DAB1: variants seen among roughly 807,000 people sequenced by gnomAD.
DAB1 encodes the protein DAB adaptor protein 1.
Under a neutral mutation model 64.6 loss-of-function variants are expected in DAB1, and 15 were observed. The ratio of observed to expected loss-of-function variants is 0.23; its 90% CI spans 0.16 to 0.36. DAB1 has a LOEUF of 0.36. DAB1 is among the 10% of genes least tolerant of loss of function. The pLI, the probability that DAB1 is intolerant of heterozygous loss-of-function variation, is 1.00. For missense variants in DAB1, 596 were observed against 706.7 expected, an observed-to-expected ratio of 0.84 and a Z score of 1.78; for synonymous variants, 235 against 251.9, an observed-to-expected ratio of 0.93 and a Z score of 0.64.
intron 7 of DAB1, among the ~76,000 whole-genome samples, chr1:57,644,164 A>G (rs1224586950): frequency 1.3e-5 from 2 of 152,162 alleles, no homozygotes; most frequent in Non-Finnish European, 2.9e-5. Flanking sequence ...TCTCTAGCAT[A>G]GTACTACTTA....
intron 5 of DAB1, among the ~76,000 whole-genome samples, chr1:57,989,152 A>G (rs1646289782): frequency 6.6e-6 from 1 of 152,120 alleles, no homozygotes; most frequent in African/African-American, 2.4e-5. Context: ...CTGGATACCA[A>G]ATGGGGATAA....
chr1:57,043,785 T>C (rs959640823), intron 9 of DAB1, among the ~76,000 whole-genome samples: 15 of 151,786 alleles, frequency 9.9e-5, no homozygotes, highest in South Asian at 4.2e-4. Context: ...AGATGGAGGT[T>C]ACAGTGAGCC....
In DAB1 at chr1:57,127,881, T is replaced by A. The variant is rs563173126; in HGVS notation, c.306+8662A>T. Among the ~76,000 whole-genome samples the A allele has an allele frequency of 2.6e-5, 4 of 152,220 alleles. No homozygotes were observed. The South Asian group carries it at 8.3e-4, about 32-fold the overall frequency. ...TACAACTCCTGTCCGGGCGTGGTAGTTCACACCTGTAATCCCAGCACTTTG... is the reference window on the plus strand; with the variant it reads ...TACAACTCCTGTCCGGGCGTGGTAGATCACACCTGTAATCCCAGCACTTTG... On this transcript the variant is annotated intron_variant, in intron 4 of 14. Coordinates refer to ENST00000371236, the MANE Select transcript of DAB1 (RefSeq NM_001365792.1).
chr1:57,831,567 G>T lies in DAB1; in HGVS notation n.88-5112C>A, dbSNP rs1248683445. Reference sequence around the variant, plus strand: ...TTTTTTTTTTTTTTTTTTGAGAAAGGGTCTTACCCTGCTACCCAGGCTGGA... The same window carrying T: ...TTTTTTTTTTTTTTTTTTGAGAAAGTGTCTTACCCTGCTACCCAGGCTGGA... On this transcript the variant is annotated intron_variant and non_coding_transcript_variant, in intron 1 of 1. Coordinates refer to the DAB1 transcript ENST00000477280. Among the ~76,000 whole-genome samples the T allele has an allele frequency of 1.3e-4, 19 of 141,822 alleles. No homozygotes were observed. The East Asian group carries it at 3.8e-3, about 28-fold the overall frequency. 93.0% of individuals were successfully genotyped at this position (141,822 alleles called of 152,430 possible). A position where few individuals can be genotyped will look rare whatever the true frequency, so the allele number is the denominator to read the frequency against.
At chr1:57,614,648 C>T (rs1343847553) in intron 7 of DAB1, among the ~76,000 whole-genome samples, 3 of 152,060 alleles carry the variant, frequency 2.0e-5, no homozygotes, top group Non-Finnish European at 4.4e-5. Context: ...TAGGTTTAAG[C>T]TGTTTTTCAC....
At chr1:57,271,686 G>A (rs1671013907) in intron 2 of DAB1, among the ~76,000 whole-genome samples, 1 of 152,200 alleles carries the variant, frequency 6.6e-6, no homozygotes, top group Non-Finnish European at 1.5e-5. Flanking sequence ...TAGCCCCGCG[G>A]AGGGCCTGAT....
chr1:58,300,617 A>AAAGAAG (rs1318663539), intron 4 of DAB1, among the ~76,000 whole-genome samples: 1 of 36,584 alleles, frequency 2.7e-5, no homozygotes, highest in African/African-American at 9.0e-5. Flanking sequence ...AGAAAGAGAG[A>AAAGAAG]GAGAGAGAGA....
In DAB1 at chr1:58,217,002, C is replaced by T. The variant is rs746173268; in HGVS notation, n.310-66414G>A. ...TGAATTCATATGGATGCTTTCAGGGCTCCCAAAATTGGGATTCAATTCTGG... is the reference window on the plus strand; with the variant it reads ...TGAATTCATATGGATGCTTTCAGGGTTCCCAAAATTGGGATTCAATTCTGG... On this transcript the variant is annotated intron_variant and non_coding_transcript_variant, in intron 4 of 20. Coordinates refer to the DAB1 transcript ENST00000485760. Among the ~76,000 whole-genome samples, 55 of 152,168 alleles carry T rather than the reference C, an allele frequency of 3.6e-4. 1 individual carries two copies. Among genetic ancestry groups the T allele is most frequent in the Non-Finnish European group, 7.2e-4 (49 of 68,034 alleles).
chr1:58,136,674 G>C (rs953243203), intron 5 of DAB1, among the ~76,000 whole-genome samples: 1 of 152,226 alleles, frequency 6.6e-6, no homozygotes, highest in African/African-American at 2.4e-5. Context: ...GGTGTTTCCT[G>C]AACTGATAGC....
chr1:57,271,076 A>G (rs1670958751), intron 2 of DAB1, among the ~76,000 whole-genome samples: 1 of 152,234 alleles, frequency 6.6e-6, no homozygotes, highest in Non-Finnish European at 1.5e-5. Flanking sequence ...TTCCCCAGAA[A>G]GGTTAAACCT....
At chr1:58,284,386 A>G (rs1357455979) in intron 4 of DAB1, among the ~76,000 whole-genome samples, 1 of 152,158 alleles carries the variant, frequency 6.6e-6, no homozygotes, top group Non-Finnish European at 1.5e-5. Context: ...ATGAACCCAC[A>G]TGGCTTCTTG....
At chr1:57,106,645 G>C (rs1015314259) in intron 4 of DAB1, among the ~76,000 whole-genome samples, 12 of 152,126 alleles carry the variant, frequency 7.9e-5, no homozygotes, top group Admixed American at 1.3e-4. Context: ...GAAAATGCTT[G>C]AGAAATAAAG....
rs554117328 is a variant in DAB1, at chr1:58,259,230, G to T, written n.309+84122C>A. On this transcript the variant is annotated intron_variant and non_coding_transcript_variant, in intron 4 of 20. Transcript: ENST00000485760. ...ATAGGATCCAGAGATGGAGCAGTGTGCACATGCCCAAAGGTGATTTAGTGG... is the reference window on the plus strand; with the variant it reads ...ATAGGATCCAGAGATGGAGCAGTGTTCACATGCCCAAAGGTGATTTAGTGG... Among the ~76,000 whole-genome samples the T allele has an allele frequency of 3.3e-5, 5 of 152,274 alleles. No individual in the cohort carries two copies. In the East Asian group the frequency reaches 9.7e-4, roughly 29 times the overall value.
intron 7 of DAB1, among the ~76,000 whole-genome samples, chr1:57,512,302 A>G (rs1644415078): frequency 6.6e-6 from 1 of 152,204 alleles, no homozygotes; most frequent in South Asian, 2.1e-4. Flanking sequence ...TACTAGGCAC[A>G]GAATTGTTGT....
upstream of DAB1, among the ~76,000 whole-genome samples, chr1:57,426,964 C>T (rs1411101619): frequency 2.6e-5 from 4 of 151,478 alleles, no homozygotes; most frequent in Non-Finnish European, 5.9e-5. Context: ...CCTGGGTTCA[C>T]GCCATTCTCC....
At chr1:58,429,986 A>G (rs1441709017) in intron 3 of DAB1, among the ~76,000 whole-genome samples, 1 of 152,190 alleles carries the variant, frequency 6.6e-6, no homozygotes, top group East Asian at 1.9e-4. Flanking sequence ...TGTCAATGTC[A>G]CATCACATGG....
intron 7 of DAB1, among the ~76,000 whole-genome samples, chr1:57,551,654 T>C (rs1038124486): frequency 1.3e-5 from 2 of 152,202 alleles, no homozygotes; most frequent in African/African-American, 4.8e-5. Flanking sequence ...TCATTCTATA[T>C]GTAAATGCAG....
intron 5 of DAB1, among the ~76,000 whole-genome samples, chr1:58,132,635 C>A (rs756018005): frequency 2.0e-5 from 3 of 152,198 alleles, no homozygotes; most frequent in Non-Finnish European, 4.4e-5. Flanking sequence ...AGGAGCATCT[C>A]ACTTCTTGTT....
chr1:57,102,096 T>C (rs1570694405), intron 4 of DAB1, among the ~76,000 whole-genome samples: 1 of 152,138 alleles, frequency 6.6e-6, no homozygotes, highest in East Asian at 1.9e-4. Flanking sequence ...ATGTAAACAA[T>C]CAAATTTCAA....
Sources: gnomAD v4.1 joint callset for allele counts (sites outside exome capture counted in the v4.1 genomes callset) on GRCh38, gnomAD v4.1.1 for gene constraint, MANE v1.5 for transcripts, NCBI Gene and HGNC (gene_info 2026-07-23, HGNC 2026-07-21) for gene names.